Variants in DENND5B observed in about 807,000 individuals in gnomAD.
DENND5B encodes the protein DENN domain containing 5B.
Under a neutral mutation model 140.6 loss-of-function variants are expected in DENND5B, and 34 were observed. That is an observed-to-expected ratio of 0.24 (90% confidence interval 0.18 to 0.32). The LOEUF (loss-of-function observed/expected upper bound fraction) is 0.32. Among genes scored for constraint, DENND5B ranks in the 10% least tolerant of loss-of-function variants. The pLI, the probability that DENND5B is intolerant of heterozygous loss-of-function variation, is 1.00. For missense variants in DENND5B, 1,142 were observed against 1,560.2 expected, an observed-to-expected ratio of 0.73 and a Z score of 4.52; for synonymous variants, 551 against 562.1, an observed-to-expected ratio of 0.98 and a Z score of 0.28.
At chr12:31,456,963 C>T (rs1003019290) in intron 4 of DENND5B, among the ~76,000 whole-genome samples, 3 of 152,068 alleles carry the variant, frequency 2.0e-5, no homozygotes, top group Non-Finnish European at 2.9e-5. Flanking sequence ...GTGTGCCTCT[C>T]GTCCCAGCTA....
chr12:31,553,462 T>C (rs979029020), intron 1 of DENND5B, among the ~76,000 whole-genome samples: 1 of 152,206 alleles, frequency 6.6e-6, no homozygotes, highest in African/African-American at 2.4e-5. Flanking sequence ...TTACATTTGT[T>C]GAGGAGTGCT....
At chr12:31,503,488 AG>A (rs766414425) in intron 1 of DENND5B, among the ~76,000 whole-genome samples, 1 of 152,174 alleles carries the variant, frequency 6.6e-6, no homozygotes, top group Non-Finnish European at 1.5e-5. Context: ...TGAACCCAGG[AG>A]GTGGAGGTTG....
intron 1 of DENND5B, among the ~76,000 whole-genome samples, chr12:31,526,581 T>G (rs1948090718): frequency 6.6e-6 from 1 of 152,182 alleles, no homozygotes; most frequent in Non-Finnish European, 1.5e-5. Context: ...AAGAATCCTT[T>G]AAGAAGTAGT....
rs758582816 is a variant in DENND5B at position 31,424,649 on chromosome 12, C to T, written c.2277G>A (p.Ala759=). ...RMLVEKMGHE[A]VELGHGEANI... is the part of the protein sequence containing the mutation. ...TTGCTTCTCCATGGCCAAGTTCCAC[C>T]GCTTCATGTCCCATCTTCTCCACCA... is the stretch of plus-strand genomic sequence containing the variant. Residue 759 remains alanine (A), a synonymous_variant, in exon 10 of 21, where the codon GCG becomes GCA. Coordinates refer to ENST00000389082, the MANE Select transcript of DENND5B (RefSeq NM_144973.4). 20 of 1,613,806 alleles carry T rather than the reference C, an allele frequency of 1.2e-5. No homozygotes were observed. The highest frequency in any genetic ancestry group is 8.9e-5 in the East Asian group (4 of 44,892).
chr12:31,548,204 C>A (rs961299872), intron 1 of DENND5B, among the ~76,000 whole-genome samples: 1 of 151,796 alleles, frequency 6.6e-6, no homozygotes, highest in Non-Finnish European at 1.5e-5. Flanking sequence ...CCAGCCTGGG[C>A]AACAAAGTGA....
chr12:31,505,320 C>T (rs1947158054), intron 1 of DENND5B, among the ~76,000 whole-genome samples: 1 of 150,896 alleles, frequency 6.6e-6, no homozygotes, highest in Non-Finnish European at 1.5e-5. Context: ...CTCACTGCAA[C>T]CTCTGCCTCC....
intron 1 of DENND5B, among the ~76,000 whole-genome samples, chr12:31,589,110 G>T (rs1950507407): frequency 6.6e-6 from 1 of 152,180 alleles, no homozygotes; most frequent in Non-Finnish European, 1.5e-5. Flanking sequence ...GAAAAATACA[G>T]GCTTTTTTCC....
intron 1 of DENND5B, among the ~76,000 whole-genome samples, chr12:31,528,940 C>T (rs1948181620): frequency 6.6e-6 from 1 of 151,878 alleles, no homozygotes; most frequent in African/African-American, 2.4e-5. Context: ...GGCAGGCGAC[C>T]ACCTGAGGTC....
chr12:31,531,237 T>C (rs1948267295), intron 1 of DENND5B, among the ~76,000 whole-genome samples: 1 of 152,210 alleles, frequency 6.6e-6, no homozygotes. Flanking sequence ...TCTCGCTCTG[T>C]CACCCAGGCT....
intron 3 of DENND5B, among the ~76,000 whole-genome samples, chr12:31,464,074 CTT>C (rs910478458): frequency 3.9e-5 from 6 of 152,104 alleles, no homozygotes; most frequent in Non-Finnish European, 2.9e-5. Context: ...TTTTTTTAAA[CTT>C]AAATATTTTA....
intron 2 of DENND5B, among the ~76,000 whole-genome samples, chr12:31,485,601 ACAGT>A (rs1946269539): frequency 1.3e-5 from 2 of 152,240 alleles, no homozygotes; most frequent in Admixed American, 6.5e-5. Flanking sequence ...ATTTATAAAA[ACAGT>A]CAGCTGGACA....
chr12:31,390,852 A>G (rs970867631), intron 19 of DENND5B, among the ~76,000 whole-genome samples: 1 of 151,624 alleles, frequency 6.6e-6, no homozygotes, highest in Non-Finnish European at 1.5e-5. Flanking sequence ...GCAAAACCCC[A>G]TCTCTACTAA....
At chr12:31,449,076 C>T (rs1944399051) in intron 5 of DENND5B, among the ~76,000 whole-genome samples, 1 of 152,032 alleles carries the variant, frequency 6.6e-6, no homozygotes. Context: ...GTACTAAAAT[C>T]TGGAAGTAAA....
intron 2 of DENND5B, among the ~76,000 whole-genome samples, chr12:31,483,497 G>A (rs913695287): frequency 4.0e-5 from 6 of 151,668 alleles, no homozygotes; most frequent in African/African-American, 1.5e-4. Context: ...CTGGAGTGCA[G>A]TGGCGCGATC....
Position 31,383,392 on chromosome 12 carries a change from A to G in DENND5B, c.*4211T>C, listed in dbSNP as rs765717651. The G allele has an allele frequency of 1.3e-5, 2 of 152,200 alleles. No homozygotes were observed. The highest frequency in any genetic ancestry group is 2.9e-5 in the Non-Finnish European group (2 of 68,040). 9.4% of individuals were successfully genotyped at this position (152,200 alleles called of 1,614,324 possible). A position where few individuals can be genotyped will look rare whatever the true frequency, so the allele number is the denominator to read the frequency against. Reference sequence around the variant, plus strand: ...ACCTCTTTTTCACTTACATTTACATATAACAGTGCTTTATTGCCAAAAAAG... The same window carrying G: ...ACCTCTTTTTCACTTACATTTACATGTAACAGTGCTTTATTGCCAAAAAAG... On this transcript the variant is annotated 3_prime_UTR_variant, in exon 21 of 21. Transcript: ENST00000389082.
At chr12:31,550,973 G>T (rs1042865800) in intron 1 of DENND5B, among the ~76,000 whole-genome samples, 4 of 133,008 alleles carry the variant, frequency 3.0e-5, no homozygotes, top group Non-Finnish European at 7.2e-5. Context: ...CCCTTTGTCA[G>T]ATGAGTAGGT....
chr12:31,569,918 T>C (rs1458193536), intron 1 of DENND5B, among the ~76,000 whole-genome samples: 1 of 150,112 alleles, frequency 6.7e-6, no homozygotes, highest in Non-Finnish European at 1.5e-5. Flanking sequence ...AAAAATGGCC[T>C]GGTGCGGTGG....
At chr12:31,488,573 CA>C (rs1369167326) in intron 2 of DENND5B, among the ~76,000 whole-genome samples, 1 of 151,834 alleles carries the variant, frequency 6.6e-6, no homozygotes, top group South Asian at 2.1e-4. Context: ...TCCAACAAAT[CA>C]AAAAAAGTAA....
intron 1 of DENND5B, chr12:31,500,437 C>A: frequency 2.2e-6 from 1 of 446,550 alleles, no homozygotes; most frequent in South Asian, 1.6e-5. Context: ...CTCAGCACTT[C>A]GGGAGGCCGA....
Sources: gnomAD v4.1 joint callset for allele counts (sites outside exome capture counted in the v4.1 genomes callset) on GRCh38, gnomAD v4.1.1 for gene constraint, MANE v1.5 for transcripts, NCBI Gene and HGNC (gene_info 2026-07-23, HGNC 2026-07-21) for gene names.